Variants in TMEM74 observed in about 807,000 individuals in gnomAD.
TMEM74 encodes transmembrane protein 74.
Under a neutral mutation model 18.1 loss-of-function variants are expected in TMEM74, and 13 were observed. That is an observed-to-expected ratio of 0.72 (90% CI 0.47 to 1.14). The LOEUF (loss-of-function observed/expected upper bound fraction) is 1.14. TMEM74 is among the 50% of genes most tolerant of loss of function. The pLI is 0.00. For synonymous variants in TMEM74, 159 were observed against 146.6 expected (o/e 1.08, Z -0.61); for missense variants, 372 against 375.9 (o/e 0.99, Z 0.09).
intron 1 of TMEM74, among the ~76,000 whole-genome samples, chr8:108,659,869 G>A (rs964812672): frequency 1.3e-5 from 2 of 151,988 alleles, no homozygotes; most frequent in African/African-American, 2.4e-5. Context: ...TCCTGGACTG[G>A]TCTACATCCA....
chr8:108,636,522 C>T (rs1292607498), intron 2 of TMEM74, among the ~76,000 whole-genome samples: 1 of 152,076 alleles, frequency 6.6e-6, no homozygotes, highest in Non-Finnish European at 1.5e-5. Context: ...TTTAATTCAA[C>T]TCTCCTTGGG....
At chr8:108,680,938 A>G (rs1813107496) in intron 1 of TMEM74, among the ~76,000 whole-genome samples, 1 of 152,168 alleles carries the variant, frequency 6.6e-6, no homozygotes, top group Admixed American at 6.6e-5. Flanking sequence ...AGAATAAAAT[A>G]CCTAGGAATC....
Position 108,667,343 on chromosome 8 carries a change from T to G in TMEM74, n.120-11906A>C, listed in dbSNP as rs150563061. On this transcript the variant is annotated intron_variant and non_coding_transcript_variant, in intron 1 of 3. Transcript: ENST00000518838. ...AAGATAGAATATTATAGTAAAATGA[T>G]GTATTTTCCCGTCATATGATAATGC... 1.4e-3 allele frequency among the ~76,000 whole-genome samples: 220 copies of G among 152,296 alleles called. 1 individual carries two copies. Among genetic ancestry groups the G allele is most frequent in the African/African-American group, 5.0e-3 (207 of 41,576 alleles).
At chr8:108,642,597 G>A (rs908722242) in intron 2 of TMEM74, among the ~76,000 whole-genome samples, 1 of 151,996 alleles carries the variant, frequency 6.6e-6, no homozygotes. Flanking sequence ...TTGTGTAATA[G>A]GTTTAGAATT....
intron 2 of TMEM74, among the ~76,000 whole-genome samples, chr8:108,620,762 G>GGT (rs1218027167): frequency 6.6e-6 from 1 of 152,066 alleles, no homozygotes; most frequent in African/African-American, 2.4e-5. Context: ...CCTTGTCTGA[G>GGT]GGGACAGTGT....
intron 1 of TMEM74, among the ~76,000 whole-genome samples, chr8:108,685,218 C>G (rs1813156063): frequency 6.6e-6 from 1 of 151,930 alleles, no homozygotes; most frequent in Non-Finnish European, 1.5e-5. Flanking sequence ...AGATTACCTT[C>G]TTGATTTCTT....
chr8:108,647,686 A>ACTG, intron 2 of TMEM74, among the ~76,000 whole-genome samples: 1 of 152,172 alleles, frequency 6.6e-6, no homozygotes, highest in Non-Finnish European at 1.5e-5. Context: ...TTAACCTACT[A>ACTG]TATACAGGAT....
intron 1 of TMEM74, among the ~76,000 whole-genome samples, chr8:108,684,637 A>G (rs1249463708): frequency 2.0e-5 from 3 of 150,580 alleles, no homozygotes; most frequent in Non-Finnish European, 3.0e-5. Context: ...GGTCTTATTC[A>G]TAAAAGCTTT....
chr8:108,744,656 G>C (rs149331244), intron 1 of TMEM74, among the ~76,000 whole-genome samples: 8 of 152,180 alleles, frequency 5.3e-5, no homozygotes, highest in Non-Finnish European at 1.2e-4. Context: ...GAGGACTTAA[G>C]TCTTGTCTTT....
chr8:108,614,328 C>T (rs1046848578), intron 2 of TMEM74, among the ~76,000 whole-genome samples: 7 of 152,008 alleles, frequency 4.6e-5, no homozygotes, highest in Non-Finnish European at 1.0e-4. Flanking sequence ...TTCTTATATC[C>T]CTTAGTTCCA....
intron 1 of TMEM74, among the ~76,000 whole-genome samples, chr8:108,717,185 C>T (rs1459432617): frequency 6.6e-6 from 1 of 151,892 alleles, no homozygotes; most frequent in Non-Finnish European, 1.5e-5. Context: ...TAATTACAAG[C>T]ATGCTAAATT....
At chr8:108,707,197 T>A (rs1415198783) in intron 1 of TMEM74, among the ~76,000 whole-genome samples, 8 of 27,140 alleles carry the variant, frequency 2.9e-4, no homozygotes, top group Middle Eastern at 0.033. Context: ...GGGTGGGGGG[T>A]AGGGGGAGGG....
chr8:108,697,320 C>T (rs1355863421), intron 1 of TMEM74, among the ~76,000 whole-genome samples: 1 of 152,174 alleles, frequency 6.6e-6, no homozygotes, highest in Non-Finnish European at 1.5e-5. Flanking sequence ...TATGGTTTGG[C>T]ATAAATTTTA....
At chr8:108,767,693 GTTAAC>G (rs1814124730) in intron 1 of TMEM74, among the ~76,000 whole-genome samples, 1 of 152,032 alleles carries the variant, frequency 6.6e-6, no homozygotes, top group African/African-American at 2.4e-5. Context: ...GAAATCTCAA[GTTAAC>G]TTAAACTTGT....
intron 1 of TMEM74, among the ~76,000 whole-genome samples, chr8:108,664,457 G>A (rs147121695): frequency 6.6e-6 from 1 of 152,164 alleles, no homozygotes; most frequent in African/African-American, 2.4e-5. Context: ...GAATGTTACT[G>A]ATTTTTGTAC....
At chr8:108,785,302 T>C (rs1586298410) in intron 1 of TMEM74, among the ~76,000 whole-genome samples, 165 bp from the exon 2 acceptor site, 1 of 151,808 alleles carries the variant, frequency 6.6e-6, no homozygotes, top group African/African-American at 2.4e-5. Context: ...GGCAGGAAAG[T>C]GTGGAAGGGA....
At chr8:108,661,675 T>C (rs1009890314) in intron 1 of TMEM74, among the ~76,000 whole-genome samples, 5 of 152,068 alleles carry the variant, frequency 3.3e-5, no homozygotes, top group African/African-American at 1.2e-4. Flanking sequence ...ATCTGTGTGA[T>C]GAATGCTGTA....
At chr8:108,642,168 G>A (rs1355889099) in intron 2 of TMEM74, among the ~76,000 whole-genome samples, 6 of 152,042 alleles carry the variant, frequency 3.9e-5, no homozygotes, top group Admixed American at 2.0e-4. Context: ...GGAGGCTGAC[G>A]CGGGTGGATT....
rs559223983 is a variant in TMEM74, at chr8:108,670,858, A to G, written n.120-15421T>C. Among the ~76,000 whole-genome samples the G allele has an allele frequency of 2.0e-5, 3 of 152,302 alleles. No homozygotes were observed. In the South Asian group the frequency reaches 6.2e-4, roughly 32 times the overall value. On this transcript the variant is annotated intron_variant and non_coding_transcript_variant, in intron 1 of 3. Transcript: ENST00000518838. ...AATAATCAGAAAGTAATTGATTTAT[A>G]AACCTTTATGTTCTGTTTTAAACTC...
Sources: allele counts gnomAD v4.1 joint callset (sites outside exome capture counted in the v4.1 genomes callset), GRCh38; gene constraint gnomAD v4.1.1; transcripts MANE v1.5; gene names NCBI Gene and HGNC (gene_info 2026-07-23, HGNC 2026-07-21).